The following CTDSPL2 variants were observed in gnomAD, a reference collection of about 807,000 sequenced individuals.
CTDSPL2 encodes CTD small phosphatase like 2.
A neutral mutation model predicts 60.0 loss-of-function variants in CTDSPL2; 5 were observed. The observed-to-expected ratio is 0.08, with a 90% confidence interval of 0.04 to 0.18. The LOEUF is 0.18. Among genes scored for constraint, CTDSPL2 ranks in the 10% least tolerant of loss-of-function variants. The probability of loss-of-function intolerance (pLI) is 1.00; values close to 1 mark genes in which losing one functional copy is unlikely to be tolerated. For synonymous variants in CTDSPL2, 186 were observed against 189.3 expected (o/e 0.98, Z 0.14); for missense variants, 370 against 548.8 (o/e 0.67, Z 3.26).
chr15:44,452,275 A>G (rs1198577597), intron 1 of CTDSPL2, among the ~76,000 whole-genome samples: 1 of 152,104 alleles, frequency 6.6e-6, no homozygotes, highest in African/African-American at 2.4e-5. Flanking sequence ...TCCCCGATAA[A>G]AATTCTTTTT....
At chr15:44,473,481 G>T (rs1415278313) in intron 2 of CTDSPL2, among the ~76,000 whole-genome samples, 2 of 152,038 alleles carry the variant, frequency 1.3e-5, no homozygotes, top group Non-Finnish European at 2.9e-5. Context: ...ATTTTTAGTA[G>T]AGACGGGGTT....
intron 8 of CTDSPL2, among the ~76,000 whole-genome samples, chr15:44,513,906 T>G (rs2081608698): frequency 1.3e-5 from 2 of 152,178 alleles, no homozygotes; most frequent in Admixed American, 1.3e-4. Context: ...AAATAATGTA[T>G]GTAAAGCAGT....
At chr15:44,507,850 A>G (rs1464849882) in intron 8 of CTDSPL2, among the ~76,000 whole-genome samples, 1 of 152,202 alleles carries the variant, frequency 6.6e-6, no homozygotes, top group Non-Finnish European at 1.5e-5. Flanking sequence ...GCTAATAGCT[A>G]TTGGCACTTT....
intron 1 of CTDSPL2, among the ~76,000 whole-genome samples, chr15:44,431,716 G>GTT (rs886785067): frequency 1.3e-4 from 17 of 133,616 alleles, no homozygotes; most frequent in South Asian, 2.3e-4. Flanking sequence ...TTGTTTGTTT[G>GTT]TTTTTTTTTT....
chr15:44,434,203 C>T (rs2079925547), intron 1 of CTDSPL2, among the ~76,000 whole-genome samples: 1 of 151,944 alleles, frequency 6.6e-6, no homozygotes, highest in Non-Finnish European at 1.5e-5. Flanking sequence ...AGATCGAGAT[C>T]ATCCTGGCCA....
At chr15:44,470,867 C>T (rs538568530) in intron 2 of CTDSPL2, among the ~76,000 whole-genome samples, 1 of 151,968 alleles carries the variant, frequency 6.6e-6, no homozygotes, top group East Asian at 1.9e-4. Flanking sequence ...TTTTCCTTTC[C>T]TGTCATTTGA....
chr15:44,505,451 G>A (rs549287460), intron 8 of CTDSPL2, among the ~76,000 whole-genome samples: 17 of 151,610 alleles, frequency 1.1e-4, no homozygotes, highest in Non-Finnish European at 1.6e-4. Flanking sequence ...AAAAACATAC[G>A]GGCCAGCCAT....
At chr15:44,467,563 CTTAT>C (rs1406886320) in intron 2 of CTDSPL2, among the ~76,000 whole-genome samples, 19 of 151,688 alleles carry the variant, frequency 1.3e-4, no homozygotes, top group African/African-American at 2.2e-4. Flanking sequence ...TTATTCTTTT[CTTAT>C]TTATTTATTT....
chr15:44,435,588 A>G (rs1410182004), intron 1 of CTDSPL2, among the ~76,000 whole-genome samples: 1 of 150,130 alleles, frequency 6.7e-6, no homozygotes, highest in African/African-American at 2.4e-5. Flanking sequence ...AAAAAAAGAG[A>G]ATCTTCCTGT....
chr15:44,433,776 C>A (rs1477641862), intron 1 of CTDSPL2, among the ~76,000 whole-genome samples: 1 of 150,806 alleles, frequency 6.6e-6, no homozygotes, highest in Non-Finnish European at 1.5e-5. Context: ...ATGGTAAAAC[C>A]CCGTCTCTAC....
chr15:44,455,975 C>T (rs1159063593), intron 1 of CTDSPL2, among the ~76,000 whole-genome samples: 9 of 150,654 alleles, frequency 6.0e-5, no homozygotes, highest in East Asian at 2.0e-4. Flanking sequence ...CTCAGCCTCC[C>T]GAGTAGCTGG....
chr15:44,442,568 G>A (rs2080112989), intron 1 of CTDSPL2, among the ~76,000 whole-genome samples: 2 of 151,942 alleles, frequency 1.3e-5, no homozygotes, highest in Non-Finnish European at 2.9e-5. Flanking sequence ...ATTTTTAAAA[G>A]TAAGTAAATA....
intron 2 of CTDSPL2, among the ~76,000 whole-genome samples, chr15:44,482,540 C>T (rs906493919): frequency 1.3e-5 from 2 of 152,126 alleles, no homozygotes; most frequent in African/African-American, 4.8e-5. Context: ...TTCTGTTCTT[C>T]AAAGACTTTA....
At chr15:44,523,597 C>T (rs1383681573) in intron 12 of CTDSPL2, among the ~76,000 whole-genome samples, 2 of 152,106 alleles carry the variant, frequency 1.3e-5, no homozygotes, top group African/African-American at 2.4e-5. Flanking sequence ...AAGAGCAAGA[C>T]CCTGTCATTC....
chr15:44,488,934 G>A (rs2081168395), intron 4 of CTDSPL2, among the ~76,000 whole-genome samples: 1 of 152,176 alleles, frequency 6.6e-6, no homozygotes, highest in African/African-American at 2.4e-5. Context: ...AGAAATAGAT[G>A]TCTGGGGAAG....
At chr15:44,448,460 C>A (rs950027002) in intron 1 of CTDSPL2, 1 of 246,622 alleles carries the variant, frequency 4.1e-6, no homozygotes, top group East Asian at 1.1e-4. Context: ...GTGTAGTCAG[C>A]GCTTGGGCCT....
At chr15:44,492,630 T>G (rs1366819683) in intron 5 of CTDSPL2, among the ~76,000 whole-genome samples, 1 of 152,154 alleles carries the variant, frequency 6.6e-6, no homozygotes, top group African/African-American at 2.4e-5. Flanking sequence ...ATTATGAAAC[T>G]TCTATATAAT....
At chr15:44,469,183 T>G (rs2140732939) in intron 2 of CTDSPL2, among the ~76,000 whole-genome samples, 1 of 152,286 alleles carries the variant, frequency 6.6e-6, no homozygotes, top group South Asian at 2.1e-4. Context: ...CTGTCTGTGG[T>G]TTCAGACAAC....
chr15:44,521,574 G>A (rs1433337789), intron 12 of CTDSPL2, among the ~76,000 whole-genome samples, 168 bp downstream of exon 12: 1 of 152,162 alleles, frequency 6.6e-6, no homozygotes, highest in African/African-American at 2.4e-5. Context: ...TAGAGTCTGA[G>A]GCAGGAGGAT....
Sources: gnomAD v4.1 joint callset for allele counts (sites outside exome capture counted in the v4.1 genomes callset) on GRCh38, gnomAD v4.1.1 for gene constraint, MANE v1.5 for transcripts, NCBI Gene and HGNC (gene_info 2026-07-23, HGNC 2026-07-21) for gene names.